SDK1: variants seen among roughly 807,000 people sequenced by gnomAD.
SDK1 encodes protein sidekick-1.
SDK1 carries 157 observed loss-of-function variants against 245.5 expected under a neutral mutation model. That is an observed-to-expected ratio of 0.64 (90% CI 0.56 to 0.73). The LOEUF is 0.73. Among genes scored for constraint, SDK1 ranks in the 30% least tolerant of loss-of-function variants. The pLI is 0.00. For missense variants in SDK1, 3,583 were observed against 3,002.3 expected, an observed-to-expected ratio of 1.19 and a Z score of -4.52; for synonymous variants, 1,647 against 1,278.5, an observed-to-expected ratio of 1.29 and a Z score of -6.15.
At chr7:4,236,402 A>G (rs1786171505) in intron 41 of SDK1, among the ~76,000 whole-genome samples, 1 of 151,924 alleles carries the variant, frequency 6.6e-6, no homozygotes, top group South Asian at 2.1e-4. Flanking sequence ...CTTTACATGC[A>G]TTTTTTTCTA....
chr7:3,688,900 A>C (rs748659325), intron 4 of SDK1, among the ~76,000 whole-genome samples: 4 of 152,038 alleles, frequency 2.6e-5, no homozygotes, highest in Non-Finnish European at 5.9e-5. Flanking sequence ...CAGCACTGTG[A>C]GCTCCCTCCC....
intron 4 of SDK1, among the ~76,000 whole-genome samples, chr7:3,791,660 A>T (rs1781094137): frequency 6.6e-6 from 1 of 152,304 alleles, no homozygotes; most frequent in South Asian, 2.1e-4. Flanking sequence ...GGCTCACAAC[A>T]GGTGCCCACT....
Position 3,575,141 on chromosome 7 carries a change from G to C in SDK1, c.299-43939G>C, listed in dbSNP as rs1010128839. ...AATACCCTAGACTGGGTGGTTTAAG[G>C]CTGGGAAATCAGAGTTCAAAGTGCC... is the stretch of plus-strand genomic sequence containing the variant. On this transcript the variant is annotated intron_variant, in intron 1 of 44. Transcript: ENST00000404826. Among the ~76,000 whole-genome samples, 10 of 152,190 alleles carry C rather than the reference G, an allele frequency of 6.6e-5. No individual in the cohort carries two copies. The East Asian group carries it at 1.2e-3, about 18-fold the overall frequency.
At chr7:3,788,111 CCTT>C (rs1241157357) in intron 4 of SDK1, among the ~76,000 whole-genome samples, 1 of 152,182 alleles carries the variant, frequency 6.6e-6, no homozygotes, top group Non-Finnish European at 1.5e-5. Context: ...GGACCTCACT[CCTT>C]CTGCTTCGAT....
At chr7:4,248,055 A>G (rs539792673) in intron 44 of SDK1, among the ~76,000 whole-genome samples, 124 of 152,264 alleles carry the variant, frequency 8.1e-4, no homozygotes, top group Admixed American at 1.3e-3. Flanking sequence ...TCCCCCCAAC[A>G]TATGTGGCGT....
rs745840751 is a variant in SDK1, at chr7:4,017,318, C to T, written c.2568C>T (p.Phe856=). Residue 856 remains phenylalanine (F), a synonymous_variant, in exon 17 of 45, where the codon TTC becomes TTT. Coordinates refer to ENST00000404826, the MANE Select transcript of SDK1 (RefSeq NM_152744.4). ...ACAACGGGGCCGGTCTGGGCGTCTT[C>T]AGCAGGGCAGTGACCGAGTACACCT... is the stretch of plus-strand genomic sequence containing the variant. The part of the protein sequence containing the change: ...AAYNGAGLGV[F]SRAVTEYTLQ... 2 of 1,613,600 alleles carry T rather than the reference C, an allele frequency of 1.2e-6. No homozygotes were observed. The highest frequency in any genetic ancestry group is 2.2e-5 in the South Asian group (2 of 91,038).
At chr7:3,984,580 T>C (rs1484186267) in intron 13 of SDK1, among the ~76,000 whole-genome samples, 1 of 152,164 alleles carries the variant, frequency 6.6e-6, no homozygotes, top group African/African-American at 2.4e-5. Context: ...TCACATCTTA[T>C]AGCATATGGT....
chr7:4,147,501 C>T (rs541594090), intron 29 of SDK1, among the ~76,000 whole-genome samples: 53 of 152,298 alleles, frequency 3.5e-4, no homozygotes, highest in Admixed American at 5.9e-4. Flanking sequence ...CTCCTGGGCT[C>T]AAGCGATCCT....
intron 17 of SDK1, among the ~76,000 whole-genome samples, chr7:4,040,970 G>A (rs1202206359): frequency 6.6e-6 from 1 of 152,190 alleles, no homozygotes; most frequent in Non-Finnish European, 1.5e-5. Context: ...GCTGCTCTTT[G>A]TTAGAAAAGA....
intron 4 of SDK1, among the ~76,000 whole-genome samples, chr7:3,767,776 A>G (rs566346980): frequency 2.4e-4 from 37 of 152,300 alleles, no homozygotes; most frequent in African/African-American, 8.4e-4. Flanking sequence ...ATTTTGCCTC[A>G]AAAAACAAAC....
At chr7:3,381,313 C>T (rs943979042) in intron 1 of SDK1, among the ~76,000 whole-genome samples, 2 of 152,060 alleles carry the variant, frequency 1.3e-5, no homozygotes, top group African/African-American at 2.4e-5. Flanking sequence ...TGCCCGTATG[C>T]TGGCGAGTGA....
intron 1 of SDK1, among the ~76,000 whole-genome samples, chr7:3,536,119 C>T (rs368001859): frequency 6.6e-5 from 10 of 151,332 alleles, no homozygotes; most frequent in East Asian, 3.9e-4. Flanking sequence ...TGCAGTGGTG[C>T]GATCTCGGCT....
intron 1 of SDK1, among the ~76,000 whole-genome samples, chr7:3,524,808 T>G (rs1359943832): frequency 6.6e-6 from 1 of 151,922 alleles, no homozygotes; most frequent in Admixed American, 6.6e-5. Flanking sequence ...AGGTCCAGAT[T>G]AGAAAAAAAA....
intron 1 of SDK1, among the ~76,000 whole-genome samples, chr7:3,372,324 T>G (rs1203459558): frequency 3.3e-5 from 5 of 152,144 alleles, no homozygotes; most frequent in East Asian, 1.9e-4. Context: ...ATCAGGAAGT[T>G]GGGTCATCCA....
At chr7:3,451,023 G>C (rs943759562) in intron 1 of SDK1, among the ~76,000 whole-genome samples, 1 of 152,068 alleles carries the variant, frequency 6.6e-6, no homozygotes, top group Non-Finnish European at 1.5e-5. Flanking sequence ...CTGTCTCCTG[G>C]GTTTGGCAAT....
intron 4 of SDK1, among the ~76,000 whole-genome samples, chr7:3,804,153 T>C (rs190178788): frequency 2.0e-5 from 3 of 152,366 alleles, no homozygotes; most frequent in Admixed American, 1.3e-4. Flanking sequence ...TCATGAATTA[T>C]GCTTTTGCTG....
chr7:4,133,241 A>G (rs1784963460), intron 28 of SDK1, among the ~76,000 whole-genome samples: 1 of 152,230 alleles, frequency 6.6e-6, no homozygotes, highest in Admixed American at 6.5e-5. Context: ...CTCTGGTAAC[A>G]CAGATGAAAA....
At chr7:3,640,769 C>T (rs774630599) in intron 3 of SDK1, among the ~76,000 whole-genome samples, 16 of 151,964 alleles carry the variant, frequency 1.1e-4, no homozygotes, top group East Asian at 7.7e-4. Context: ...CCGCAACCTC[C>T]GCCTCCTAGG....
At chr7:3,305,359 G>A (rs1171181168) in intron 1 of SDK1, among the ~76,000 whole-genome samples, 1 of 152,030 alleles carries the variant, frequency 6.6e-6, no homozygotes, top group African/African-American at 2.4e-5. Flanking sequence ...TCCTCGTGTT[G>A]GTTAATCCCA....
Sources: gnomAD v4.1 joint callset for allele counts (sites outside exome capture counted in the v4.1 genomes callset) on GRCh38, gnomAD v4.1.1 for gene constraint, MANE v1.5 for transcripts, NCBI Gene and HGNC (gene_info 2026-07-23, HGNC 2026-07-21) for gene names.